The following ATP13A3 variants were observed in gnomAD, a reference collection of about 807,000 sequenced individuals.
ATP13A3 encodes the protein polyamine-transporting ATPase 13A3.
In ATP13A3, 59 loss-of-function variants were observed where a neutral mutation model predicts 158.1. The ratio of observed to expected loss-of-function variants is 0.37; its 90% CI spans 0.30 to 0.46. The LOEUF (loss-of-function observed/expected upper bound fraction) is 0.46, where lower values mean the gene tolerates loss of function less well. ATP13A3 is among the 20% of genes least tolerant of loss of function. The pLI, the probability that ATP13A3 is intolerant of heterozygous loss-of-function variation, is 1.00. For synonymous variants in ATP13A3, 491 were observed against 504.3 expected, an observed-to-expected ratio of 0.97 and a Z score of 0.35; for missense variants, 1,166 against 1,525.2, an observed-to-expected ratio of 0.76 and a Z score of 3.92.
intron 21 of ATP13A3, among the ~76,000 whole-genome samples, chr3:194,432,987 C>T (rs531324555): frequency 1.3e-5 from 2 of 152,078 alleles, no homozygotes; most frequent in East Asian, 3.9e-4. Flanking sequence ...CAATATCTTA[C>T]ATATAAACAT....
At position 194,427,241 on chromosome 3, in the gene ATP13A3, G is replaced by A. The variant is rs758032591; in HGVS notation, c.2959C>T (p.Pro987Ser). The A allele has an allele frequency of 1.2e-6, 2 of 1,600,680 alleles. No individual in the cohort carries two copies. The highest frequency in any genetic ancestry group is 8.5e-7 in the Non-Finnish European group (1 of 1,176,866). ...LVVVFTMSLNPAWKELVAQRP... is the reference protein window; with the variant it reads ...LVVVFTMSLNSAWKELVAQRP... ...TGTGCCACAAGTTCTTTCCAGGCAG[G>A]ATTTAAACTCACTATATTGAAAAGA... The change falls in exon 29 of 34, where the codon CCT (proline) becomes TCT (serine). Residue 987 changes from proline to serine, a missense_variant. Physicochemically the swap from Pro to Ser is moderately conservative, Grantham distance 74 (BLOSUM62 -1). Coordinates refer to ENST00000645319, the MANE Select transcript of ATP13A3 (RefSeq NM_001367549.1).
At chr3:194,450,317 C>T in intron 10 of ATP13A3, 41 bp from the exon 11 acceptor site, 3 of 1,568,720 alleles carry the variant, frequency 1.9e-6, no homozygotes, top group Non-Finnish European at 2.6e-6. Context: ...AAAAGATATT[C>T]TTTACCTTGG....
rs34072658 is a variant in ATP13A3, at chr3:194,446,726, T to C, written c.1497+201A>G. On this transcript the variant is annotated intron_variant, in intron 14 of 33. Transcript: ENST00000645319. Reference sequence around the variant, plus strand: ...TTCATTTCATTTAAAGTTGCAGTTTTCAAGAACCTATCAGTAATGTTAAGT... The same window carrying C: ...TTCATTTCATTTAAAGTTGCAGTTTCCAAGAACCTATCAGTAATGTTAAGT... Among the ~76,000 whole-genome samples the C allele has an allele frequency of 0.24, 36,877 of 152,088 alleles. 5,500 individuals carry two copies. Among genetic ancestry groups the C allele is most frequent in the African/African-American group, 0.42 (17,574 of 41,454 alleles).
At position 194,462,451 on chromosome 3, in the gene ATP13A3, T is replaced by A. The variant is rs184273884; in HGVS notation, c.-46-215A>T. 2.0e-3 allele frequency among the ~76,000 whole-genome samples: 300 copies of A among 152,190 alleles called. 1 individual carries two copies. The highest frequency in any genetic ancestry group is 6.9e-3 in the African/African-American group (288 of 41,530). Reference sequence around the variant, plus strand: ...CATCAGATCAACAGAGGCATTAGATTCTCATAGGAGCACAAACCCTACTGT... The same window carrying A: ...CATCAGATCAACAGAGGCATTAGATACTCATAGGAGCACAAACCCTACTGT... On this transcript the variant is annotated intron_variant, in intron 2 of 33. Transcript: ENST00000645319.
chr3:194,440,003 T>C (rs1240565262), intron 16 of ATP13A3, among the ~76,000 whole-genome samples: 1 of 152,120 alleles, frequency 6.6e-6, no homozygotes, highest in Non-Finnish European at 1.5e-5. Context: ...CTTTCAGTAG[T>C]TGGCAGATGG....
At chr3:194,458,870 A>G (rs1433945880) in intron 6 of ATP13A3, among the ~76,000 whole-genome samples, 1 of 152,190 alleles carries the variant, frequency 6.6e-6, no homozygotes, top group African/African-American at 2.4e-5. Context: ...TTAAATGTTC[A>G]TAACATGATT....
chr3:194,457,321 G>A (rs560090905), intron 6 of ATP13A3, 147 bp from the exon 7 acceptor site: 14 of 595,440 alleles, frequency 2.4e-5, no homozygotes, highest in African/African-American at 1.3e-4. Context: ...GATAACAAAT[G>A]AGAATTTTTA....
chr3:194,427,818 C>T (rs1335295611), intron 28 of ATP13A3, among the ~76,000 whole-genome samples: 2 of 152,044 alleles, frequency 1.3e-5, no homozygotes, highest in Non-Finnish European at 2.9e-5. Context: ...ACACTTCTTC[C>T]TCTTACGATA....
chr3:194,440,197 G>A (rs1257841614), intron 16 of ATP13A3, among the ~76,000 whole-genome samples: 4 of 152,136 alleles, frequency 2.6e-5, no homozygotes, highest in South Asian at 4.2e-4. Context: ...GGATACAAAC[G>A]GGAACGAAAC....
intron 33 of ATP13A3, among the ~76,000 whole-genome samples, chr3:194,410,312 A>C (rs1017377346): frequency 1.4e-5 from 2 of 140,952 alleles, no homozygotes; most frequent in African/African-American, 2.7e-5. Flanking sequence ...AAAAAAAAAA[A>C]AAAAAAAAAA....
intron 2 of ATP13A3, among the ~76,000 whole-genome samples, chr3:194,465,892 G>A (rs1719960638): frequency 6.6e-6 from 1 of 151,902 alleles, no homozygotes; most frequent in Non-Finnish European, 1.5e-5. Flanking sequence ...TGAGGCAGGA[G>A]AATCGCTTGA....
At position 194,412,184 on chromosome 3, in the gene ATP13A3, G is replaced by A. The variant is rs921561167; in HGVS notation, c.3573+15C>T. ...GAGAGGCAGCAAGAATTGACAGGAA[G>A]TGCTGAGTTCCAACCTGCGGTGGCT... On this transcript the variant is annotated intron_variant, in intron 33 of 33. Coordinates refer to ENST00000645319, the MANE Select transcript of ATP13A3 (RefSeq NM_001367549.1). The A allele has an allele frequency of 3.9e-6, 6 of 1,532,448 alleles. No individual in the cohort carries two copies. Among genetic ancestry groups the A allele is most frequent in the Non-Finnish European group, 5.2e-6 (6 of 1,143,620 alleles). The allele number at this position is 1,532,448 out of a possible 1,614,324, so 94.9% of individuals were successfully genotyped here. A position where few individuals can be genotyped will look rare whatever the true frequency, so the allele number is the denominator to read the frequency against.
At position 194,430,974 on chromosome 3, in the gene ATP13A3, T is replaced by G. The variant is rs1327772139; in HGVS notation, c.2593A>C (p.Thr865Pro). The change falls in exon 24 of 34, where the codon ACA becomes CCA. Residue 865 changes from threonine (T) to proline (P), a missense_variant. Physicochemically the swap from Thr to Pro is conservative, Grantham distance 38 (BLOSUM62 -1). Transcript: ENST00000645319. ...VFARMAPDQK[T>P]QLIEALQNVD... ...TTTTGCAATGCTTCTATCAACTGTGTCTTCTGATCAGGTGCCATACGGGCA... is the reference window on the plus strand; with the variant it reads ...TTTTGCAATGCTTCTATCAACTGTGGCTTCTGATCAGGTGCCATACGGGCA... 1 of 1,613,030 alleles carries G rather than the reference T, an allele frequency of 6.2e-7. No individual in the cohort carries two copies.
intron 2 of ATP13A3, among the ~76,000 whole-genome samples, chr3:194,483,203 G>A (rs1720824893): frequency 6.6e-6 from 1 of 151,924 alleles, no homozygotes; most frequent in Non-Finnish European, 1.5e-5. Context: ...AAGGTCGCCT[G>A]AGCCCAGGAA....
intron 2 of ATP13A3, chr3:194,467,776 T>G (rs1720083080): frequency 6.6e-6 from 1 of 152,152 alleles, no homozygotes; most frequent in African/African-American, 2.4e-5. Context: ...TAAACATATT[T>G]AAAATACACT....
intron 8 of ATP13A3, among the ~76,000 whole-genome samples, chr3:194,454,970 AGTAAGT>A (rs756126304): frequency 2.0e-5 from 3 of 152,274 alleles, no homozygotes; most frequent in Non-Finnish European, 4.4e-5. Context: ...AGAAAAGGCT[AGTAAGT>A]GTATGATTTT....
intron 20 of ATP13A3, among the ~76,000 whole-genome samples, chr3:194,436,275 G>A (rs1430953071): frequency 6.6e-6 from 1 of 152,134 alleles, no homozygotes; most frequent in Admixed American, 6.5e-5. Flanking sequence ...TCCAAGGTAG[G>A]TCTGTATCAG....
chr3:194,441,322 C>G lies in ATP13A3; in HGVS notation c.1699G>C (p.Ala567Pro). 1 of 1,611,378 alleles carries G rather than the reference C, an allele frequency of 6.2e-7. No individual in the cohort carries two copies. The highest frequency in any genetic ancestry group is 2.2e-5 in the East Asian group (1 of 44,834). Residue 567 changes from alanine (A) to proline (P), a missense_variant, in exon 16 of 34, where the codon GCT becomes CCT. Physicochemically the swap from Ala to Pro is conservative, Grantham distance 27 (BLOSUM62 -1). Transcript: ENST00000645319. ...AATATTTGACTTACCCATCCAATAG[C>G]CTCAAACATTTTCAGATCAAGTGGA... ...GDPLDLKMFE[A>P]IGWILEEATE...
At chr3:194,409,693 ATTTT>A (rs71179358) in intron 33 of ATP13A3, among the ~76,000 whole-genome samples, 1,306 of 93,894 alleles carry the variant, frequency 0.014, 18 homozygotes, top group East Asian at 0.06. Context: ...GACGTAAAGA[ATTTT>A]TTTTTTTTTT....
Sources: allele counts gnomAD v4.1 joint callset (sites outside exome capture counted in the v4.1 genomes callset), GRCh38; gene constraint gnomAD v4.1.1; transcripts MANE v1.5; gene names NCBI Gene and HGNC (gene_info 2026-07-23, HGNC 2026-07-21).